The following EML4 variants were observed in gnomAD, a reference collection of about 807,000 sequenced individuals.
EML4 encodes the protein echinoderm microtubule-associated protein-like 4.
In EML4, 72 loss-of-function variants were observed where a neutral mutation model predicts 129.0. That is an observed-to-expected ratio of 0.56 (90% confidence interval 0.46 to 0.68). The LOEUF is 0.68. Among genes scored for constraint, EML4 ranks in the 30% least tolerant of loss-of-function variants. The pLI, the probability that EML4 is intolerant of heterozygous loss-of-function variation, is 0.00. For missense variants in EML4, 1,363 were observed against 1,190.6 expected, an observed-to-expected ratio of 1.14 and a Z score of -2.13; for synonymous variants, 532 against 405.0, an observed-to-expected ratio of 1.31 and a Z score of -3.77.
At chr2:42,212,705 TC>T in intron 1 of EML4, among the ~76,000 whole-genome samples, 1 of 152,330 alleles carries the variant, frequency 6.6e-6, no homozygotes, top group East Asian at 1.9e-4. Flanking sequence ...AGGCAGATAG[TC>T]CCCTTCATGC....
chr2:42,202,172 A>C lies in EML4; in HGVS notation c.25+32536A>C, dbSNP rs145901737. 2.7e-3 allele frequency among the ~76,000 whole-genome samples: 409 copies of C among 152,252 alleles called. 2 individuals are homozygous for C. The highest frequency in any genetic ancestry group is 9.4e-3 in the African/African-American group (392 of 41,556). ...GGGAAAGGAGAGGCGTTGGTCAAAT[A>C]GTACAAAGTTTCATTTGGACAAGAG... On this transcript the variant is annotated intron_variant, in intron 1 of 22. Coordinates refer to ENST00000318522, the MANE Select transcript of EML4 (RefSeq NM_019063.5).
intron 6 of EML4, among the ~76,000 whole-genome samples, chr2:42,268,743 T>A (rs913023676): frequency 2.0e-5 from 3 of 152,146 alleles, no homozygotes; most frequent in African/African-American, 7.2e-5. Flanking sequence ...TGGCCTACAT[T>A]TTTTAGAGAT....
intron 22 of EML4, 126 bp from the exon 23 acceptor site, chr2:42,329,608 T>C: frequency 1.4e-6 from 1 of 704,724 alleles, no homozygotes; most frequent in Non-Finnish European, 2.4e-6. Flanking sequence ...TGATGACTTC[T>C]GGCTTTAAAT....
At chr2:42,258,256 A>T (rs1258649183) in intron 3 of EML4, among the ~76,000 whole-genome samples, 3 of 152,208 alleles carry the variant, frequency 2.0e-5, no homozygotes, top group Non-Finnish European at 2.9e-5. Flanking sequence ...CTTGTTGAAG[A>T]ATCGCAAGGA....
At chr2:42,310,405 C>G (rs1034493239) in intron 17 of EML4, among the ~76,000 whole-genome samples, 1 of 151,770 alleles carries the variant, frequency 6.6e-6, no homozygotes, top group Non-Finnish European at 1.5e-5. Flanking sequence ...AGTGCAGTGA[C>G]ATAATCTCAG....
intron 1 of EML4, among the ~76,000 whole-genome samples, chr2:42,214,283 T>C (rs1214791811): frequency 6.6e-6 from 1 of 152,160 alleles, no homozygotes; most frequent in African/African-American, 2.4e-5. Flanking sequence ...GTATAAAAAA[T>C]TAATGGTTTT....
chr2:42,257,987 T>C (rs1665450652), intron 3 of EML4, among the ~76,000 whole-genome samples: 2 of 152,246 alleles, frequency 1.3e-5, no homozygotes, highest in Admixed American at 6.5e-5. Flanking sequence ...TAGAAAATTT[T>C]AGTACAATTT....
intron 17 of EML4, among the ~76,000 whole-genome samples, chr2:42,314,766 T>C (rs1572745119): frequency 6.6e-6 from 1 of 152,254 alleles, no homozygotes; most frequent in Non-Finnish European, 1.5e-5. Context: ...CTCTCTCTTA[T>C]GCAGCCTTAA....
chr2:42,219,791 G>GAT (rs1673446437), intron 1 of EML4, among the ~76,000 whole-genome samples: 1 of 150,952 alleles, frequency 6.6e-6, no homozygotes, highest in Non-Finnish European at 1.5e-5. Flanking sequence ...CGGGCGTAAG[G>GAT]GGCGCATGTC....
intron 1 of EML4, among the ~76,000 whole-genome samples, chr2:42,197,537 A>G (rs1671966878): frequency 6.6e-6 from 1 of 152,092 alleles, no homozygotes; most frequent in African/African-American, 2.4e-5. Context: ...TTAAATGAAA[A>G]TATCAGTAAA....
At chr2:42,200,638 G>A (rs1000888033) in intron 1 of EML4, among the ~76,000 whole-genome samples, 6 of 152,206 alleles carry the variant, frequency 3.9e-5, no homozygotes, top group African/African-American at 1.4e-4. Flanking sequence ...CAGACTTACA[G>A]ACTTTCTTTG....
intron 6 of EML4, 165 bp downstream of exon 6, chr2:42,264,896 A>G (rs1035592442): frequency 1.3e-5 from 20 of 1,549,696 alleles, no homozygotes; most frequent in Admixed American, 2.0e-5. Context: ...ATTGTAAGGT[A>G]ATGTCATTTT....
chr2:42,176,237 A>G (rs1670594689), intron 1 of EML4, among the ~76,000 whole-genome samples: 2 of 152,134 alleles, frequency 1.3e-5, no homozygotes, highest in Admixed American at 6.6e-5. Flanking sequence ...AGACTTGTCA[A>G]TTCTTGTCAC....
intron 2 of EML4, among the ~76,000 whole-genome samples, chr2:42,255,285 G>T (rs527262529): frequency 1.3e-5 from 2 of 151,822 alleles, no homozygotes; most frequent in South Asian, 4.2e-4. Context: ...CAGGGTTTCA[G>T]CATGTTAGCC....
In EML4 at chr2:42,329,755, G is replaced by A; in HGVS notation, c.2494G>A (p.Ala832Thr). 2 of 1,613,950 alleles carry A rather than the reference G, an allele frequency of 1.2e-6. No homozygotes were observed. The highest frequency in any genetic ancestry group is 1.7e-6 in the Non-Finnish European group (2 of 1,179,930). ...KAKAPSHKYS[A>T]HSSHVTNVSF... is the part of the protein sequence containing the mutation. ...ATAGGCTCCCAGTCACAAGTACAGT[G>A]CCCACAGCAGCCATGTCACCAATGT... Residue 832 changes from alanine to threonine, a missense_variant, in exon 23 of 23, where the codon GCC becomes ACC. Transcript: ENST00000318522.
At chr2:42,267,373 C>G (rs934834701) in intron 6 of EML4, among the ~76,000 whole-genome samples, 1 of 152,156 alleles carries the variant, frequency 6.6e-6, no homozygotes, top group African/African-American at 2.4e-5. Context: ...GGCATATTCA[C>G]AACACATTTT....
intron 17 of EML4, among the ~76,000 whole-genome samples, chr2:42,311,288 G>A (rs1360968176): frequency 6.6e-6 from 1 of 152,168 alleles, no homozygotes; most frequent in Non-Finnish European, 1.5e-5. Context: ...TAAAAATTGG[G>A]CTGGTGCAGT....
chr2:42,224,558 G>C (rs777968204), intron 1 of EML4, among the ~76,000 whole-genome samples: 1 of 152,062 alleles, frequency 6.6e-6, no homozygotes. Context: ...TTTCTCTTAG[G>C]TGTATACTTT....
chr2:42,249,779 G>A (rs935362145), intron 2 of EML4, among the ~76,000 whole-genome samples: 8 of 152,116 alleles, frequency 5.3e-5, no homozygotes, highest in African/African-American at 1.9e-4. Context: ...CAGGACACTT[G>A]ACTGAGGTAG....
Sources: gnomAD v4.1 joint callset for allele counts (sites outside exome capture counted in the v4.1 genomes callset) on GRCh38, gnomAD v4.1.1 for gene constraint, MANE v1.5 for transcripts, NCBI Gene and HGNC (gene_info 2026-07-23, HGNC 2026-07-21) for gene names.